The following ADGRV1 variants were observed in gnomAD, a reference collection of about 807,000 sequenced individuals.
ADGRV1 encodes G-protein coupled receptor 98.
A neutral mutation model predicts 596.2 loss-of-function variants in ADGRV1; 359 were observed. The ratio of observed to expected loss-of-function variants is 0.60; its 90% CI spans 0.55 to 0.66. The LOEUF (loss-of-function observed/expected upper bound fraction) is 0.66, where lower values mean the gene tolerates loss of function less well. ADGRV1 is among the 30% of genes least tolerant of loss of function. The pLI is 0.00. For missense variants in ADGRV1, 7,274 were observed against 7,575.6 expected, an observed-to-expected ratio of 0.96 and a Z score of 1.48; for synonymous variants, 2,681 against 2,679.2, an observed-to-expected ratio of 1.00 and a Z score of -0.02.
chr5:90,744,926 C>A, intron 50 of ADGRV1, 120 bp from the exon 51 acceptor site: 2 of 686,450 alleles, frequency 2.9e-6, no homozygotes, highest in Non-Finnish European at 5.2e-6. Context: ...TATTTAGTTA[C>A]CTCAGAAATC....
At chr5:90,844,401 G>A (rs967179534) in intron 78 of ADGRV1, among the ~76,000 whole-genome samples, 1 of 152,048 alleles carries the variant, frequency 6.6e-6, no homozygotes, top group Admixed American at 6.6e-5. Flanking sequence ...GCTAGAAGTG[G>A]CACAAGTATT....
intron 1 of ADGRV1, among the ~76,000 whole-genome samples, chr5:90,587,734 T>G (rs947601471): frequency 6.6e-6 from 1 of 151,998 alleles, no homozygotes; most frequent in East Asian, 1.9e-4. Context: ...ATTTTTTGTA[T>G]TTTTAGTAGA....
intron 70 of ADGRV1, among the ~76,000 whole-genome samples, chr5:90,797,903 A>C (rs1208148585): frequency 6.6e-6 from 1 of 152,236 alleles, no homozygotes; most frequent in Non-Finnish European, 1.5e-5. Flanking sequence ...ACAATGTACC[A>C]GAATCTCTGG....
chr5:90,590,657 A>G (rs1345633632), intron 1 of ADGRV1, among the ~76,000 whole-genome samples: 1 of 152,228 alleles, frequency 6.6e-6, no homozygotes, highest in Non-Finnish European at 1.5e-5. Flanking sequence ...CCCAGATTCA[A>G]GGGGAGAGGA....
chr5:90,850,875 T>G (rs1017875116), intron 79 of ADGRV1: 69 of 152,232 alleles, frequency 4.5e-4, no homozygotes, highest in African/African-American at 1.7e-3. Context: ...GAACAATGTC[T>G]GGTATGTGGT....
At position 90,644,739 on chromosome 5, in the gene ADGRV1, T is replaced by C. The variant is rs1364633852; in HGVS notation, c.2768T>C (p.Phe923Ser). ...VYDVVRNRGNFGDVSVSWVVS... is the reference protein window; with the variant it reads ...VYDVVRNRGNSGDVSVSWVVS... ...GATGTAGTAAGAAATCGAGGCAACT[T>C]TGGTGATGTTAGTGTATCATGGGTG... is the stretch of plus-strand genomic sequence containing the variant. Residue 923 changes from phenylalanine (F) to serine (S), a missense_variant, in exon 15 of 90, where the codon TTT (phenylalanine) becomes TCT (serine). Around this residue, in one of 5 missense-constraint regions of ADGRV1, gnomAD observed 1,715 missense variants for 1,708.8 expected, o/e 1.00. Coordinates refer to ENST00000405460, the MANE Select transcript of ADGRV1 (RefSeq NM_032119.4). The C allele has an allele frequency of 1.2e-6, 2 of 1,611,304 alleles. No homozygotes were observed. Among genetic ancestry groups the C allele is most frequent in the East Asian group, 4.5e-5 (2 of 44,700 alleles).
At chr5:90,995,684 GA>G (rs1009600242) in intron 85 of ADGRV1, among the ~76,000 whole-genome samples, 2 of 152,182 alleles carry the variant, frequency 1.3e-5, no homozygotes, top group Admixed American at 6.5e-5. Flanking sequence ...ACATGAAGAT[GA>G]GGGAAAGTTT....
At chr5:90,862,006 C>T (rs1229386322) in intron 82 of ADGRV1, among the ~76,000 whole-genome samples, 2 of 152,098 alleles carry the variant, frequency 1.3e-5, no homozygotes, top group Non-Finnish European at 2.9e-5. Context: ...TATCTTCCTG[C>T]CACTGGCTTT....
intron 1 of ADGRV1, among the ~76,000 whole-genome samples, chr5:90,605,139 C>G (rs1040720343): frequency 1.3e-5 from 2 of 152,170 alleles, no homozygotes; most frequent in African/African-American, 4.8e-5. Flanking sequence ...AGTTCAGTTA[C>G]ATGAGTTAAA....
At chr5:90,976,348 A>ATATG (rs1325293370) in intron 84 of ADGRV1, among the ~76,000 whole-genome samples, 2 of 141,472 alleles carry the variant, frequency 1.4e-5, no homozygotes, top group South Asian at 4.5e-4. Context: ...ATATATATAT[A>ATATG]TGTATATGTA....
intron 85 of ADGRV1, among the ~76,000 whole-genome samples, chr5:90,996,692 T>C (rs1375126121): frequency 6.6e-6 from 1 of 152,200 alleles, no homozygotes; most frequent in African/African-American, 2.4e-5. Context: ...GTTTGCACCA[T>C]GTGCCTGGAA....
intron 75 of ADGRV1, among the ~76,000 whole-genome samples, chr5:90,821,143 C>T (rs987940861): frequency 6.6e-6 from 1 of 151,838 alleles, no homozygotes; most frequent in Admixed American, 6.6e-5. Flanking sequence ...CTAAACTTCC[C>T]TTCTCGCTTC....
intron 85 of ADGRV1, among the ~76,000 whole-genome samples, chr5:91,032,761 T>C (rs1232530143): frequency 1.3e-5 from 2 of 152,196 alleles, no homozygotes; most frequent in African/African-American, 4.8e-5. Flanking sequence ...ATTTTGAGGC[T>C]GTTTTCTCTT....
intron 9 of ADGRV1, among the ~76,000 whole-genome samples, chr5:90,631,161 C>T (rs546407106): frequency 3.2e-4 from 48 of 152,240 alleles, no homozygotes; most frequent in Non-Finnish European, 5.4e-4. Flanking sequence ...TGTTGTTAAG[C>T]TTCTAGAGTT....
chr5:90,594,862 GAA>G (rs1202784271), intron 1 of ADGRV1, among the ~76,000 whole-genome samples: 1 of 150,620 alleles, frequency 6.6e-6, no homozygotes, highest in Non-Finnish European at 1.5e-5. Context: ...AGAAGAAAAT[GAA>G]AAGTCTCCCA....
intron 85 of ADGRV1, among the ~76,000 whole-genome samples, chr5:91,024,746 G>A (rs545060187): frequency 5.2e-4 from 79 of 152,228 alleles, no homozygotes; most frequent in African/African-American, 1.8e-3. Flanking sequence ...GCTTTAATGG[G>A]TTAAAGTTAA....
intron 83 of ADGRV1, chr5:90,929,789 T>C (rs1028595532): frequency 6.6e-6 from 1 of 152,258 alleles, no homozygotes; most frequent in African/African-American, 2.4e-5. Flanking sequence ...GTTGGTACAG[T>C]ATGGATTATA....
chr5:90,676,285 G>T, intron 25 of ADGRV1, 76 bp downstream of exon 25: 1 of 1,365,298 alleles, frequency 7.3e-7, no homozygotes. Flanking sequence ...CTTTAGGGAA[G>T]TAAGTTCCTT....
At chr5:90,764,965 A>G (rs10514335) in intron 59 of ADGRV1, among the ~76,000 whole-genome samples, 11,140 of 152,128 alleles carry the variant, frequency 0.073, 678 homozygotes, top group East Asian at 0.33. Flanking sequence ...GCTCCTTAGA[A>G]GCTTGGCAGT....
Sources: gnomAD v4.1 joint callset for allele counts (sites outside exome capture counted in the v4.1 genomes callset) on GRCh38, gnomAD v4.1.1 for gene constraint, gnomAD v4.1.1 regional missense constraint, MANE v1.5 for transcripts, NCBI Gene and HGNC (gene_info 2026-07-23, HGNC 2026-07-21) for gene names.